The following FSTL4 variants were observed in gnomAD, a reference collection of about 807,000 sequenced individuals.
FSTL4 encodes the protein follistatin like 4.
FSTL4 carries 28 observed loss-of-function variants against 78.2 expected under a neutral mutation model. The ratio of observed to expected loss-of-function variants is 0.36; its 90% confidence interval spans 0.27 to 0.49. FSTL4 has a LOEUF of 0.49. FSTL4 is among the 20% of genes least tolerant of loss of function. FSTL4 has a pLI of 0.98. For synonymous variants in FSTL4, 422 were observed against 440.5 expected (o/e 0.96, Z 0.53); for missense variants, 922 against 1,084.9 (o/e 0.85, Z 2.11).
chr5:133,744,966 G>A, the FSTL4 span, among the ~76,000 whole-genome samples: 3 of 152,320 alleles, frequency 2.0e-5, no homozygotes, highest in East Asian at 5.8e-4. Context: ...GGGACAGGCT[G>A]GGAGTTGGAG....
rs574423142 is a variant in FSTL4, at chr5:133,552,830, C to T, written c.160+14356G>A. 2.6e-5 allele frequency among the ~76,000 whole-genome samples: 4 copies of T among 152,252 alleles called. No individual in the cohort carries two copies. The South Asian group carries it at 8.3e-4, about 32-fold the overall frequency. ...GTTCAGCTGTTCTTTCAGGACCCAA[C>T]GTGACTTTGGGGGTATTCATAAAGA... is the stretch of plus-strand genomic sequence containing the variant. On this transcript the variant is annotated intron_variant, in intron 3 of 15. Transcript: ENST00000265342.
chr5:133,824,739 C>A, the FSTL4 span, among the ~76,000 whole-genome samples: 1 of 152,128 alleles, frequency 6.6e-6, no homozygotes, highest in African/African-American at 2.4e-5. Context: ...GCTTTTCCTG[C>A]CCAAAGCACG....
chr5:133,344,577 CAT>C (rs532264371), intron 4 of FSTL4, among the ~76,000 whole-genome samples: 116 of 152,268 alleles, frequency 7.6e-4, no homozygotes, highest in African/African-American at 2.7e-3. Flanking sequence ...AAAATCGTGA[CAT>C]ATTTTAGTTT....
the FSTL4 span, among the ~76,000 whole-genome samples, chr5:133,662,838 A>G: frequency 6.6e-6 from 1 of 152,178 alleles, no homozygotes; most frequent in Non-Finnish European, 1.5e-5. Flanking sequence ...CCTAAGCCAA[A>G]GGTTTACTCA....
At chr5:133,710,732 GTCAAA>G in the FSTL4 span, among the ~76,000 whole-genome samples, 1,204 of 152,328 alleles carry the variant, frequency 7.9e-3, 7 homozygotes, top group Non-Finnish European at 0.013. Flanking sequence ...TATAAAACTA[GTCAAA>G]TCATAAGTAA....
At chr5:133,773,601 C>T in the FSTL4 span, among the ~76,000 whole-genome samples, 2 of 152,184 alleles carry the variant, frequency 1.3e-5, 1 homozygote, top group Non-Finnish European at 2.9e-5. Flanking sequence ...TTCTTTGGGT[C>T]CCAGTAACAG....
At chr5:133,331,644 A>G (rs1359396469) in intron 4 of FSTL4, among the ~76,000 whole-genome samples, 1 of 152,212 alleles carries the variant, frequency 6.6e-6, no homozygotes, top group Non-Finnish European at 1.5e-5. Context: ...AATGACCCAA[A>G]CAGAGGGTTT....
intron 13 of FSTL4, among the ~76,000 whole-genome samples, chr5:133,213,708 TAAAC>T (rs1324584147): frequency 1.3e-5 from 2 of 151,996 alleles, no homozygotes; most frequent in Admixed American, 1.3e-4. Flanking sequence ...AAAAGCAACA[TAAAC>T]AGGTAGGTCA....
chr5:133,781,727 C>T, the FSTL4 span, among the ~76,000 whole-genome samples: 1 of 152,200 alleles, frequency 6.6e-6, no homozygotes, highest in African/African-American at 2.4e-5. Context: ...CCCGCCCCCA[C>T]AATCAGCATG....
chr5:133,255,534 G>T (rs938559910), intron 6 of FSTL4, among the ~76,000 whole-genome samples: 1 of 152,228 alleles, frequency 6.6e-6, no homozygotes, highest in African/African-American at 2.4e-5. Context: ...GCTAGGCTGC[G>T]TGTCCCACAG....
chr5:133,531,741 T>C (rs1316200688), intron 3 of FSTL4, among the ~76,000 whole-genome samples: 1 of 152,218 alleles, frequency 6.6e-6, no homozygotes, highest in Non-Finnish European at 1.5e-5. Context: ...GGTTTGGTGA[T>C]AGGGCGGAAA....
intron 3 of FSTL4, among the ~76,000 whole-genome samples, chr5:133,461,642 G>T (rs991115585): frequency 6.6e-6 from 1 of 152,152 alleles, no homozygotes; most frequent in African/African-American, 2.4e-5. Flanking sequence ...GGACATATCT[G>T]GGGCGCCCAA....
chr5:133,248,936 C>T (rs1265686135), intron 7 of FSTL4, among the ~76,000 whole-genome samples: 1 of 152,222 alleles, frequency 6.6e-6, no homozygotes, highest in Non-Finnish European at 1.5e-5. Context: ...CCTCTGCCCT[C>T]CACAGGGACC....
chr5:133,567,186 C>A lies in FSTL4; in HGVS notation c.160G>T (p.Gly54Trp). 1 of 1,605,802 alleles carries A rather than the reference C, an allele frequency of 6.2e-7. No individual in the cohort carries two copies. Among genetic ancestry groups the A allele is most frequent in the Non-Finnish European group, 8.5e-7 (1 of 1,172,440 alleles). Residue 54 changes from glycine (G) to tryptophan (W), a missense_variant and splice_region_variant, in exon 3 of 16, where the codon GGG becomes TGG. Physicochemically the swap from Gly to Trp is radical, Grantham distance 184. Transcript: ENST00000265342. Reference protein sequence around the residue: ...PRSFEVTRREGLSSHNELLAS... With the variant: ...PRSFEVTRREWLSSHNELLAS... ...ATGGGTATGAGTGCATTTTTCCTAC[C>A]TTCTCTTCTTGTGACTTCAAAGCTT...
the FSTL4 span, among the ~76,000 whole-genome samples, chr5:133,801,757 C>G: frequency 6.6e-6 from 1 of 152,338 alleles, no homozygotes; most frequent in Non-Finnish European, 1.5e-5. Flanking sequence ...GGGAGCCAGA[C>G]AGTACCCATT....
chr5:133,239,294 C>G (rs552654135), intron 7 of FSTL4, among the ~76,000 whole-genome samples: 1 of 151,264 alleles, frequency 6.6e-6, no homozygotes, highest in East Asian at 2.0e-4. Flanking sequence ...AGCACTGCTC[C>G]CTGCTCCAGG....
In FSTL4 at chr5:133,357,065, C is replaced by A. The variant is rs185185334; in HGVS notation, c.410-40413G>T. ...ATTGGGCACAAGTGTGGAGCTGGGG[C>A]GGACTGCAAAGCCCTGGACAGACCC... On this transcript the variant is annotated intron_variant, in intron 4 of 15. Coordinates refer to ENST00000265342, the MANE Select transcript of FSTL4 (RefSeq NM_015082.2). Among the ~76,000 whole-genome samples the A allele has an allele frequency of 2.4e-4, 36 of 152,298 alleles. No homozygotes were observed. The East Asian group carries it at 6.4e-3, about 27-fold the overall frequency.
At chr5:133,674,540 G>A in the FSTL4 span, among the ~76,000 whole-genome samples, 1 of 152,128 alleles carries the variant, frequency 6.6e-6, no homozygotes, top group Non-Finnish European at 1.5e-5. Flanking sequence ...GAAACCTTGA[G>A]AAATCCCGTA....
At chr5:133,820,225 C>G in the FSTL4 span, among the ~76,000 whole-genome samples, 1 of 152,192 alleles carries the variant, frequency 6.6e-6, no homozygotes, top group Admixed American at 6.5e-5. Context: ...CTGGGAGGGT[C>G]CAGCTGTCAC....
Sources: gnomAD v4.1 joint callset for allele counts (sites outside exome capture counted in the v4.1 genomes callset) on GRCh38, gnomAD v4.1.1 for gene constraint, MANE v1.5 for transcripts, NCBI Gene and HGNC (gene_info 2026-07-23, HGNC 2026-07-21) for gene names.